Variants in LINGO2 observed in about 807,000 individuals in gnomAD.
LINGO2 encodes leucine-rich repeat and immunoglobulin-like domain-containing nogo receptor-interacting protein 2.
A neutral mutation model predicts 30.6 loss-of-function variants in LINGO2; 14 were observed. The observed-to-expected ratio is 0.46, with a 90% CI of 0.30 to 0.72. LINGO2 has a LOEUF of 0.72. Among genes scored for constraint, LINGO2 ranks in the 30% least tolerant of loss-of-function variants. LINGO2 has a pLI of 0.07. For synonymous variants in LINGO2, 317 were observed against 288.5 expected, an observed-to-expected ratio of 1.10 and a Z score of -1.00; for missense variants, 729 against 751.7, an observed-to-expected ratio of 0.97 and a Z score of 0.35.
At chr9:27,992,782 T>A (rs1295342207) in intron 5 of LINGO2, among the ~76,000 whole-genome samples, 1 of 144,526 alleles carries the variant, frequency 6.9e-6, no homozygotes, top group Non-Finnish European at 1.5e-5. Context: ...GAAAGTTTGG[T>A]GAGGGAACAT....
the LINGO2 span, among the ~76,000 whole-genome samples, chr9:28,920,606 T>C: frequency 6.6e-6 from 1 of 152,146 alleles, no homozygotes; most frequent in African/African-American, 2.4e-5. Context: ...TACTAAATAA[T>C]GCTTTGGAAT....
At chr9:28,043,711 C>T (rs557049958) in intron 4 of LINGO2, among the ~76,000 whole-genome samples, 144 of 152,198 alleles carry the variant, frequency 9.5e-4, no homozygotes, top group African/African-American at 3.3e-3. Context: ...TTTCATCTAC[C>T]ACCTTTCTTG....
intron 4 of LINGO2, among the ~76,000 whole-genome samples, chr9:28,226,949 T>A (rs773908004): frequency 2.6e-5 from 4 of 152,168 alleles, no homozygotes; most frequent in Non-Finnish European, 5.9e-5. Flanking sequence ...GTTTTAATAT[T>A]TGTATAGTTT....
the LINGO2 span, among the ~76,000 whole-genome samples, chr9:28,921,283 A>C: frequency 6.6e-6 from 1 of 152,158 alleles, no homozygotes. Flanking sequence ...CTGTAAATGT[A>C]GGCTCTTCAT....
intron 4 of LINGO2, among the ~76,000 whole-genome samples, chr9:28,211,505 C>T (rs1453927121): frequency 6.6e-6 from 1 of 151,318 alleles, no homozygotes; most frequent in Non-Finnish European, 1.5e-5. Flanking sequence ...TTTTTCTGCT[C>T]TCTCTACCAC....
chr9:28,301,016 T>C (rs1824120611), intron 3 of LINGO2, among the ~76,000 whole-genome samples: 1 of 152,038 alleles, frequency 6.6e-6, no homozygotes, highest in Admixed American at 6.6e-5. Flanking sequence ...TCATATACTC[T>C]GAGTTTTCTA....
chr9:28,568,093 A>G (rs75322346), intron 1 of LINGO2, among the ~76,000 whole-genome samples: 3,366 of 152,130 alleles, frequency 0.022, 137 homozygotes, highest in African/African-American at 0.077. Flanking sequence ...AGAGTTTTCT[A>G]CTCTCATCTC....
the LINGO2 span, among the ~76,000 whole-genome samples, chr9:28,919,891 C>T: frequency 2.4e-4 from 36 of 152,088 alleles, no homozygotes; most frequent in African/African-American, 7.0e-4. Flanking sequence ...GGTATAATCA[C>T]GCTATAATGT....
intron 1 of LINGO2, among the ~76,000 whole-genome samples, chr9:28,566,733 G>A (rs1823403011): frequency 6.6e-6 from 1 of 152,104 alleles, no homozygotes; most frequent in Non-Finnish European, 1.5e-5. Context: ...TAAAGGATAT[G>A]GCATGCTTTG....
chr9:28,322,473 AC>A (rs1825081384), intron 3 of LINGO2, among the ~76,000 whole-genome samples: 1 of 116,064 alleles, frequency 8.6e-6, no homozygotes, highest in Admixed American at 8.7e-5. Context: ...ACACACACAC[AC>A]ACACACGTTT....
chr9:28,674,358 T>C (rs549364453), upstream of LINGO2, among the ~76,000 whole-genome samples: 2 of 152,288 alleles, frequency 1.3e-5, no homozygotes, highest in East Asian at 3.9e-4. Context: ...TAGGAATAAT[T>C]TGAAAACGAA....
At chr9:28,548,448 G>A (rs1019706968) in intron 1 of LINGO2, among the ~76,000 whole-genome samples, 1 of 152,054 alleles carries the variant, frequency 6.6e-6, no homozygotes, top group Admixed American at 6.5e-5. Flanking sequence ...GCTCATGCCT[G>A]TAATCCCAGT....
At chr9:28,692,760 T>G in the LINGO2 span, among the ~76,000 whole-genome samples, 1 of 152,148 alleles carries the variant, frequency 6.6e-6, no homozygotes, top group East Asian at 1.9e-4. Flanking sequence ...GTGCTAATAA[T>G]AACGAAGGTA....
chr9:28,884,133 T>C, the LINGO2 span, among the ~76,000 whole-genome samples: 3 of 151,942 alleles, frequency 2.0e-5, no homozygotes, highest in African/African-American at 7.3e-5. Flanking sequence ...TCAACGAAAA[T>C]TAGTTGAACA....
the LINGO2 span, among the ~76,000 whole-genome samples, chr9:28,884,375 T>C: frequency 6.6e-6 from 1 of 152,150 alleles, no homozygotes; most frequent in Non-Finnish European, 1.5e-5. Flanking sequence ...AAACAGTTCT[T>C]CTGATCAGCA....
intron 2 of LINGO2, among the ~76,000 whole-genome samples, chr9:28,405,309 C>G (rs1331907): frequency 0.55 from 83,627 of 151,968 alleles, 25,161 homozygotes; most frequent in Non-Finnish European, 0.68. Flanking sequence ...TGTGTCCTCT[C>G]AATTGAAATA....
At chr9:28,913,610 G>C in the LINGO2 span, among the ~76,000 whole-genome samples, 1 of 152,022 alleles carries the variant, frequency 6.6e-6, no homozygotes, top group South Asian at 2.1e-4. Flanking sequence ...AATAGAGAAA[G>C]AATATTGGGT....
intron 4 of LINGO2, among the ~76,000 whole-genome samples, chr9:28,142,173 T>G (rs1473255736): frequency 4.3e-5 from 6 of 139,350 alleles, no homozygotes; most frequent in African/African-American, 1.3e-4. Flanking sequence ...TTTTTTTTTT[T>G]TGTGGCAAGT....
At chr9:28,425,517 C>G (rs1412239) in intron 2 of LINGO2, among the ~76,000 whole-genome samples, 39,119 of 151,836 alleles carry the variant, frequency 0.26, 5,619 homozygotes, top group Non-Finnish European at 0.32. Context: ...AGCTCATGCT[C>G]GTAATACTGT....
Sources: gnomAD v4.1 joint callset for allele counts (sites outside exome capture counted in the v4.1 genomes callset) on GRCh38, gnomAD v4.1.1 for gene constraint, MANE v1.5 for transcripts, NCBI Gene and HGNC (gene_info 2026-07-23, HGNC 2026-07-21) for gene names.